CSGALNACT1: variants seen among roughly 807,000 people sequenced by gnomAD.
The protein encoded by CSGALNACT1 is chondroitin sulfate N-acetylgalactosaminyltransferase 1.
CSGALNACT1 carries 52 observed loss-of-function variants against 51.0 expected under a neutral mutation model. The ratio of observed to expected loss-of-function variants is 1.02; its 90% CI spans 0.82 to 1.29. The LOEUF (loss-of-function observed/expected upper bound fraction) is 1.29. Among genes scored for constraint, CSGALNACT1 ranks in the 50% most tolerant of loss-of-function variants. CSGALNACT1 has a pLI of 0.00. For synonymous variants in CSGALNACT1, 341 were observed against 254.4 expected (o/e 1.34, Z -3.24); for missense variants, 935 against 679.2 (o/e 1.38, Z -4.19).
intron 1 of CSGALNACT1, among the ~76,000 whole-genome samples, chr8:19,707,188 C>T (rs528547951): frequency 1.3e-5 from 2 of 152,076 alleles, no homozygotes; most frequent in African/African-American, 4.8e-5. Flanking sequence ...AAAACACCAA[C>T]AGTGTCCATG....
chr8:19,580,552 C>T (rs1210810320), intron 3 of CSGALNACT1, among the ~76,000 whole-genome samples: 1 of 152,044 alleles, frequency 6.6e-6, no homozygotes, highest in Non-Finnish European at 1.5e-5. Context: ...ATCCTACTGC[C>T]AACAGAAAAG....
intron 1 of CSGALNACT1, among the ~76,000 whole-genome samples, chr8:19,717,292 G>A (rs926691925): frequency 6.6e-6 from 1 of 152,204 alleles, no homozygotes; most frequent in Non-Finnish European, 1.5e-5. Flanking sequence ...CAGAGGCAAG[G>A]TGCAAACAAG....
chr8:19,645,083 C>T (rs532674702), intron 1 of CSGALNACT1, among the ~76,000 whole-genome samples: 1 of 152,172 alleles, frequency 6.6e-6, no homozygotes, highest in South Asian at 2.1e-4. Context: ...CATCAATAAC[C>T]TTGATTTTGA....
intron 8 of CSGALNACT1, among the ~76,000 whole-genome samples, 179 bp downstream of exon 7, chr8:19,418,477 G>T (rs904240313): frequency 6.6e-6 from 1 of 152,146 alleles, no homozygotes; most frequent in East Asian, 1.9e-4. Flanking sequence ...TTTAAATATT[G>T]CAAGCACTTT....
chr8:19,716,614 A>AAAAC lies in CSGALNACT1; in HGVS notation c.-297+41235_-297+41236insGTTT, dbSNP rs1296181317. On this transcript the variant is annotated intron_variant, in intron 1 of 1. Transcript: ENST00000517494. ...CCAACATGGTAAAACCCTCTCTACA[A>AAAAC]AAAAAAAAAAAAAAAAAAAAAAAAA... is the stretch of plus-strand genomic sequence containing the variant. Among the ~76,000 whole-genome samples the AAAAC allele has an allele frequency of 3.9e-5, 5 of 128,074 alleles. No homozygotes were observed. The East Asian group carries it at 1.1e-3, about 28-fold the overall frequency. The allele number at this position is 128,074 out of a possible 152,430, so 84.0% of individuals were successfully genotyped here.
intron 1 of CSGALNACT1, among the ~76,000 whole-genome samples, chr8:19,667,724 C>T (rs895938092): frequency 1.3e-5 from 2 of 152,040 alleles, no homozygotes; most frequent in South Asian, 2.1e-4. Context: ...TTTGCTGCTT[C>T]GTGATCAAAA....
intron 1 of CSGALNACT1, among the ~76,000 whole-genome samples, chr8:19,733,242 C>T (rs2063784701): frequency 6.6e-6 from 1 of 152,024 alleles, no homozygotes; most frequent in South Asian, 2.1e-4. Context: ...GAATAAAATC[C>T]CATCCCTATA....
intron 1 of CSGALNACT1, among the ~76,000 whole-genome samples, chr8:19,707,995 G>A (rs780593288): frequency 5.9e-5 from 9 of 152,098 alleles, no homozygotes; most frequent in South Asian, 2.1e-4. Context: ...GTGACGGAGC[G>A]AGACTCCATC....
chr8:19,577,967 T>C (rs770654168), intron 3 of CSGALNACT1, among the ~76,000 whole-genome samples: 3 of 152,322 alleles, frequency 2.0e-5, no homozygotes, highest in Admixed American at 6.5e-5. Flanking sequence ...ATAGTTGGCA[T>C]GCGGAATAAC....
intron 4 of CSGALNACT1, among the ~76,000 whole-genome samples, chr8:19,499,633 A>G (rs779221898): frequency 1.3e-5 from 2 of 152,208 alleles, no homozygotes; most frequent in African/African-American, 4.8e-5. Flanking sequence ...TCCATGGTCA[A>G]AAGAGCTGGT....
chr8:19,662,076 C>CCG (rs2058801546), intron 1 of CSGALNACT1, among the ~76,000 whole-genome samples: 1 of 43,850 alleles, frequency 2.3e-5, no homozygotes, highest in African/African-American at 8.7e-5. Context: ...CCCCCCCCAC[C>CCG]CCCCCCCCCC....
intron 1 of CSGALNACT1, among the ~76,000 whole-genome samples, chr8:19,753,888 CAATA>C (rs2154254616): frequency 6.6e-6 from 1 of 152,214 alleles, no homozygotes; most frequent in Non-Finnish European, 1.5e-5. Flanking sequence ...TGGAGTTGTT[CAATA>C]AATATTCTCA....
At chr8:19,428,007 G>A (rs906380046) in intron 6 of CSGALNACT1, among the ~76,000 whole-genome samples, 36 of 152,114 alleles carry the variant, frequency 2.4e-4, no homozygotes, top group African/African-American at 8.4e-4. Flanking sequence ...GAGGCTCAAG[G>A]TTGCTACCTT....
At chr8:19,666,996 A>G (rs867264356) in intron 1 of CSGALNACT1, among the ~76,000 whole-genome samples, 865 of 18,520 alleles carry the variant, frequency 0.047, 35 homozygotes, top group Middle Eastern at 0.11. Flanking sequence ...AGAAAGAAAG[A>G]AAGAAAGAAA....
At chr8:19,626,383 G>A (rs1210487978) in intron 1 of CSGALNACT1, among the ~76,000 whole-genome samples, 3 of 151,680 alleles carry the variant, frequency 2.0e-5, no homozygotes, top group Non-Finnish European at 1.5e-5. Flanking sequence ...GAGGCCCAAA[G>A]GGGAAGGAAA....
intron 3 of CSGALNACT1, among the ~76,000 whole-genome samples, chr8:19,587,555 A>T (rs767749702): frequency 2.0e-5 from 3 of 152,182 alleles, no homozygotes; most frequent in Non-Finnish European, 2.9e-5. Context: ...TGAAGATGAG[A>T]CTATGCACAC....
intron 8 of CSGALNACT1, among the ~76,000 whole-genome samples, chr8:19,410,174 A>G (rs537741483): frequency 2.6e-5 from 4 of 152,324 alleles, no homozygotes; most frequent in East Asian, 1.9e-4. Context: ...CTGCTCAAGG[A>G]AAGTAGAACC....
chr8:19,734,619 A>C lies in CSGALNACT1; in HGVS notation c.-297+23231T>G, dbSNP rs76565893. On this transcript the variant is annotated intron_variant, in intron 1 of 1. Coordinates refer to the CSGALNACT1 transcript ENST00000517494. The stretch of plus-strand genomic sequence containing the variant: ...TCTGAAGTTTTTCTTTTAACACAAG[A>C]AAGAGAAGAATTCTGAAGTACTCTT... Among the ~76,000 whole-genome samples, 430 of 152,284 alleles carry C rather than the reference A, an allele frequency of 2.8e-3. 19 individuals carry two copies. Among genetic ancestry groups the C allele is most frequent in the Admixed American group, 0.019 (295 of 15,304 alleles).
At chr8:19,505,092 C>T in intron 4 of CSGALNACT1, 109 bp downstream of exon 3, 1 of 1,241,062 alleles carries the variant, frequency 8.1e-7, no homozygotes. Context: ...AACTTTCCGC[C>T]AGCCATCCCA....
Sources: allele counts gnomAD v4.1 joint callset (sites outside exome capture counted in the v4.1 genomes callset), GRCh38; gene constraint gnomAD v4.1.1; transcripts MANE v1.5; gene names NCBI Gene and HGNC (gene_info 2026-07-23, HGNC 2026-07-21).